HAT1: variants seen among roughly 807,000 people sequenced by gnomAD.
HAT1 encodes histone acetyltransferase type B catalytic subunit.
Under a neutral mutation model 56.6 loss-of-function variants are expected in HAT1, and 20 were observed. The observed-to-expected ratio is 0.35, with a 90% confidence interval of 0.25 to 0.51. The LOEUF (loss-of-function observed/expected upper bound fraction) is 0.51. Ranked by LOEUF, HAT1 falls within the 20% of genes least tolerant of loss-of-function variation. HAT1 has a pLI of 0.95. For synonymous variants in HAT1, 146 were observed against 165.5 expected, an observed-to-expected ratio of 0.88 and a Z score of 0.91; for missense variants, 408 against 504.3, an observed-to-expected ratio of 0.81 and a Z score of 1.83.
At chr2:171,945,317 C>T (rs1687131264) in intron 2 of HAT1, among the ~76,000 whole-genome samples, 1 of 151,882 alleles carries the variant, frequency 6.6e-6, no homozygotes, top group African/African-American at 2.4e-5. Context: ...ATACCCATTC[C>T]ATCTTAGATT....
chr2:171,951,622 G>T, intron 3 of HAT1, among the ~76,000 whole-genome samples: 1 of 143,614 alleles, frequency 7.0e-6, no homozygotes, highest in East Asian at 2.0e-4. Context: ...TAGTAGAAAC[G>T]TGGTTTCACC....
At position 171,932,845 on chromosome 2, in the gene HAT1, G is replaced by GGTGACAGAGCC. The variant is rs1558962909; in HGVS notation, c.112+7205_112+7215dup. ...GATCATCTCACTGCACTCCAGTCTG[G>GGTGACAGAGCC]GTGACAGAGCCAGACGCTGTCTCAA... On this transcript the variant is annotated intron_variant, in intron 2 of 10. Transcript: ENST00000264108. 2.6e-5 allele frequency among the ~76,000 whole-genome samples: 4 copies of GGTGACAGAGCC among 152,212 alleles called. No homozygotes were observed. The East Asian group carries it at 7.7e-4, about 29-fold the overall frequency.
At chr2:171,935,516 A>AG (rs1686852047) in intron 2 of HAT1, among the ~76,000 whole-genome samples, 1 of 33,326 alleles carries the variant, frequency 3.0e-5, no homozygotes, top group Non-Finnish European at 5.6e-5. Flanking sequence ...ACTCCATCTC[A>AG]AAAAAAAAAA....
In HAT1 at chr2:171,925,565, A is replaced by G; in HGVS notation, c.36A>G (p.Val12=). The change falls in exon 2 of 11, where the codon GTA becomes GTG. Residue 12 remains valine (V), a synonymous_variant. Coordinates refer to ENST00000264108, the MANE Select transcript of HAT1 (RefSeq NM_003642.4). ...AGFGAMEKFL[V]EYKSAVEKKL... ...TTGGTGCTATGGAGAAATTTTTGGT[A>G]GAATATAAGAGTGCAGTGGAGAAGA... 1 of 1,563,902 alleles carries G rather than the reference A, an allele frequency of 6.4e-7. No homozygotes were observed. Among genetic ancestry groups the G allele is most frequent in the Non-Finnish European group, 8.8e-7 (1 of 1,134,492 alleles).
intron 2 of HAT1, among the ~76,000 whole-genome samples, chr2:171,927,169 G>T (rs942816628): frequency 6.6e-6 from 1 of 152,194 alleles, no homozygotes; most frequent in African/African-American, 2.4e-5. Flanking sequence ...TTTCTTTTGG[G>T]AATTATGGAA....
chr2:171,928,235 A>G (rs1490403510), intron 2 of HAT1, among the ~76,000 whole-genome samples: 1 of 152,208 alleles, frequency 6.6e-6, no homozygotes, highest in Non-Finnish European at 1.5e-5. Flanking sequence ...GCCAAGATCT[A>G]GGTGCTAGGT....
intron 4 of HAT1, among the ~76,000 whole-genome samples, chr2:171,962,427 C>T (rs1687595918): frequency 6.6e-6 from 1 of 152,192 alleles, no homozygotes; most frequent in African/African-American, 2.4e-5. Context: ...CGGAGTCTCA[C>T]CCTGTCACCC....
intron 4 of HAT1, among the ~76,000 whole-genome samples, chr2:171,956,252 G>C (rs1470226300): frequency 1.3e-5 from 2 of 150,788 alleles, no homozygotes; most frequent in African/African-American, 4.9e-5. Context: ...GGGAGGCCAA[G>C]GTAGGTAGAT....
At chr2:171,977,761 C>T (rs1688025914) in intron 9 of HAT1, among the ~76,000 whole-genome samples, 1 of 151,178 alleles carries the variant, frequency 6.6e-6, no homozygotes, top group African/African-American at 2.4e-5. Context: ...TCTGCCACAT[C>T]CTTCTTCCTT....
At chr2:171,960,516 C>G (rs899749279) in intron 4 of HAT1, among the ~76,000 whole-genome samples, 1 of 152,176 alleles carries the variant, frequency 6.6e-6, no homozygotes, top group Non-Finnish European at 1.5e-5. Context: ...AGGATTATGT[C>G]ATTACATTAA....
At chr2:171,965,726 T>C (rs1221887560) in intron 5 of HAT1, 61 bp from the exon 6 acceptor site, 5 of 1,533,170 alleles carry the variant, frequency 3.3e-6, no homozygotes, top group African/African-American at 1.4e-5. Context: ...TTTTGTGTTC[T>C]GCGGACTTTC....
chr2:171,927,394 T>C (rs924020026), intron 2 of HAT1, among the ~76,000 whole-genome samples: 7 of 152,204 alleles, frequency 4.6e-5, no homozygotes, highest in African/African-American at 1.4e-4. Context: ...AGAAAATACT[T>C]GGTAAGGGCT....
intron 8 of HAT1, among the ~76,000 whole-genome samples, chr2:171,972,091 C>T (rs1007897259): frequency 6.6e-6 from 1 of 152,210 alleles, no homozygotes; most frequent in African/African-American, 2.4e-5. Context: ...CAAAACCCTA[C>T]TTTCTAAGGC....
At chr2:171,956,201 A>G (rs947324985) in intron 4 of HAT1, among the ~76,000 whole-genome samples, 1 of 147,534 alleles carries the variant, frequency 6.8e-6, no homozygotes, top group African/African-American at 2.5e-5. Flanking sequence ...AAAAAAAAAA[A>G]GGCCAGGCTT....
intron 2 of HAT1, among the ~76,000 whole-genome samples, chr2:171,945,069 C>G (rs1687123722): frequency 6.6e-6 from 1 of 152,104 alleles, no homozygotes; most frequent in African/African-American, 2.4e-5. Flanking sequence ...TGGCATTTCA[C>G]CATATTGGTT....
chr2:171,949,253 C>T (rs891739920), intron 3 of HAT1, among the ~76,000 whole-genome samples: 1 of 151,802 alleles, frequency 6.6e-6, no homozygotes, highest in Non-Finnish European at 1.5e-5. Flanking sequence ...GCTCTGTCAC[C>T]CAGGCTGAAG....
chr2:171,970,496 C>CTTT lies in HAT1; in HGVS notation c.823+3586_823+3588dup, dbSNP rs61462189. On this transcript the variant is annotated intron_variant, in intron 8 of 10. Coordinates refer to ENST00000264108, the MANE Select transcript of HAT1 (RefSeq NM_003642.4). ...TAAATCAGTATTAGCAATGCAGTTT[C>CTTT]TTTTTTTTTTTTTTTTTTTTTTTTT... is the stretch of plus-strand genomic sequence containing the variant. 8.3e-4 allele frequency among the ~76,000 whole-genome samples: 62 copies of CTTT among 74,976 alleles called. 11 individuals are homozygous for CTTT. The highest frequency in any genetic ancestry group is 1.8e-3 in the African/African-American group (26 of 14,794). 49.2% of individuals were successfully genotyped at this position (74,976 alleles called of 152,430 possible).
chr2:171,937,590 G>A (rs575944731), intron 2 of HAT1, among the ~76,000 whole-genome samples: 1 of 152,114 alleles, frequency 6.6e-6, no homozygotes, highest in African/African-American at 2.4e-5. Flanking sequence ...AAAACAAGGA[G>A]GTATAGTATA....
chr2:171,957,164 A>G (rs1013648256), intron 4 of HAT1, among the ~76,000 whole-genome samples: 2 of 152,204 alleles, frequency 1.3e-5, no homozygotes, highest in Non-Finnish European at 2.9e-5. Context: ...GAACTCTCCA[A>G]ATTTCACAGG....
Sources: gnomAD v4.1 joint callset for allele counts (sites outside exome capture counted in the v4.1 genomes callset) on GRCh38, gnomAD v4.1.1 for gene constraint, MANE v1.5 for transcripts, NCBI Gene and HGNC (gene_info 2026-07-23, HGNC 2026-07-21) for gene names.